ATAD3A: variants seen among roughly 807,000 people sequenced by gnomAD.
The protein encoded by ATAD3A is ATPase family AAA domain-containing protein 3A.
ATAD3A carries 46 observed loss-of-function variants against 73.8 expected under a neutral mutation model. The observed-to-expected ratio is 0.62, with a 90% confidence interval of 0.49 to 0.80. The LOEUF is 0.80. ATAD3A is among the 30% of genes least tolerant of loss of function. The probability of loss-of-function intolerance (pLI) is 0.00; values close to 1 mark genes in which losing one functional copy is unlikely to be tolerated. For synonymous variants in ATAD3A, 319 were observed against 350.0 expected (o/e 0.91, Z 0.99); for missense variants, 705 against 838.0 (o/e 0.84, Z 1.96).
chr1:1,517,697 C>T lies in ATAD3A; in HGVS notation c.385-19C>T. 1.5e-6 allele frequency: 2 copies of T among 1,314,644 alleles called. No homozygotes were observed. The highest frequency in any genetic ancestry group is 2.2e-6 in the Non-Finnish European group (2 of 921,370). The allele number at this position is 1,314,644 out of a possible 1,614,324, so 81.4% of individuals were successfully genotyped here. A position where few individuals can be genotyped will look rare whatever the true frequency, so the allele number is the denominator to read the frequency against. On this transcript the variant is annotated intron_variant, in intron 3 of 15. Coordinates refer to ENST00000378756, the MANE Select transcript of ATAD3A (RefSeq NM_001170535.3). ...AGCTCCCGGCTGAGATGTGTCTTTG[C>T]CGCCCTCTTCTCCCCCAGAGGGCCC...
At chr1:1,512,652 C>T in intron 1 of ATAD3A, 179 bp downstream of exon 1, 2 of 1,382,180 alleles carry the variant, frequency 1.4e-6, no homozygotes, top group Non-Finnish European at 1.9e-6. Flanking sequence ...CTCTTTCCGT[C>T]ACCCGTTTGC....
In ATAD3A at chr1:1,529,221, A is replaced by C; in HGVS notation, c.1506-2A>C. 6.2e-7 allele frequency: 1 copy of C among 1,607,622 alleles called. No individual in the cohort carries two copies. The highest frequency in any genetic ancestry group is 8.5e-7 in the Non-Finnish European group (1 of 1,178,066). The stretch of plus-strand genomic sequence containing the variant: ...CGGCCCACTTGGGAACTCCTTCCCC[A>C]GGCGCCTGAAGCTGGCCCAGTTTGA... On this transcript the variant is annotated splice_acceptor_variant, in intron 14 of 15. Coordinates refer to ENST00000378756, the MANE Select transcript of ATAD3A (RefSeq NM_001170535.3). LOFTEE classifies it high-confidence loss of function.
Position 1,523,835 on chromosome 1 carries a change from GC to G in ATAD3A, c.964-3del. Reference sequence around the variant, plus strand: ...CTCCTCCAAACCCCCGTCTTCCCCGGCAGCCCAGCCTGGAAGCACGGGTGCG... The same window carrying G: ...CTCCTCCAAACCCCCGTCTTCCCCGGAGCCCAGCCTGGAAGCACGGGTGCG... On this transcript the variant is annotated splice_region_variant and splice_polypyrimidine_tract_variant and intron_variant, in intron 9 of 15. Transcript: ENST00000378756. This position sits in a 1 kb window ranked among gnomAD's most constrained non-coding sequence, Gnocchi z 5.1. 6.2e-7 allele frequency: 1 copy of G among 1,613,900 alleles called. No homozygotes were observed.
Position 1,517,736 on chromosome 1 carries a change from G to C in ATAD3A, c.405G>C (p.Lys135Asn), listed in dbSNP as rs1386408562. 5 of 1,483,960 alleles carry C rather than the reference G, an allele frequency of 3.4e-6. No individual in the cohort carries two copies. The highest frequency in any genetic ancestry group is 4.7e-6 in the Non-Finnish European group (5 of 1,069,182). The allele number at this position is 1,483,960 out of a possible 1,614,324, so 91.9% of individuals were successfully genotyped here. Residue 135 changes from lysine to asparagine, a missense_variant, in exon 4 of 16, where the codon AAG becomes AAC. Coordinates refer to ENST00000378756, the MANE Select transcript of ATAD3A (RefSeq NM_001170535.3). The part of the protein sequence containing the change: ...QHQARAQYQD[K>N]LARQRYEDQL... ...CCCAGAGGGCCCAGTATCAAGACAA[G>C]CTGGCCCGGCAGCGCTACGAGGACC... is the stretch of plus-strand genomic sequence containing the variant.
intron 1 of ATAD3A, 68 bp from the exon 2 acceptor site, chr1:1,515,944 G>T: frequency 6.3e-7 from 1 of 1,582,696 alleles, no homozygotes; most frequent in Non-Finnish European, 8.6e-7. Context: ...CCCCTTGGCT[G>T]GTGTGCGTGC....
intron 1 of ATAD3A, chr1:1,512,677 C>G (rs1416155045): frequency 1.3e-5 from 17 of 1,311,794 alleles, no homozygotes; most frequent in Non-Finnish European, 1.7e-5. Flanking sequence ...CTGCAGCTGT[C>G]AGGAGCGGGT....
intron 1 of ATAD3A, among the ~76,000 whole-genome samples, chr1:1,512,875 G>A (rs1171413100): frequency 3.3e-5 from 5 of 152,230 alleles, no homozygotes; most frequent in African/African-American, 9.6e-5. Context: ...CAGTTTCCAC[G>A]TAACAAGGGA....
At chr1:1,525,529 C>T (rs1641780765) in intron 12 of ATAD3A, among the ~76,000 whole-genome samples, 1 of 151,930 alleles carries the variant, frequency 6.6e-6, no homozygotes, top group East Asian at 1.9e-4. Flanking sequence ...ATTCTCCCGC[C>T]TCAGCCTCCC....
chr1:1,514,463 GTC>G (rs1197506006), intron 1 of ATAD3A, among the ~76,000 whole-genome samples: 1 of 152,220 alleles, frequency 6.6e-6, no homozygotes, highest in African/African-American at 2.4e-5. Flanking sequence ...ACCTGGCACT[GTC>G]TTCCCTGAGA....
intron 4 of ATAD3A, among the ~76,000 whole-genome samples, chr1:1,518,036 CACAG>C (rs1182980209): frequency 1.3e-4 from 19 of 151,896 alleles, no homozygotes; most frequent in South Asian, 6.2e-4. Context: ...TCCCAGCACA[CACAG>C]ACAGGTGCAC....
In ATAD3A at chr1:1,516,093, G is replaced by A. The variant is rs368391530; in HGVS notation, c.282+5G>A. On this transcript the variant is annotated splice_donor_5th_base_variant and intron_variant, in intron 2 of 15. Transcript: ENST00000378756. ...GAGCAACAGTCCAAGCTCAAAGTGA[G>A]TGGGGCCGGTGTGGGTGGGGAGGCC... 76 of 1,613,144 alleles carry A rather than the reference G, an allele frequency of 4.7e-5. No homozygotes were observed. The highest frequency in any genetic ancestry group is 5.9e-5 in the Non-Finnish European group (70 of 1,179,888).
chr1:1,534,070 T>C lies in ATAD3A; in HGVS notation c.1759T>C (p.Ter587ArgextTer62), dbSNP rs775366683. 6 of 1,613,354 alleles carry C rather than the reference T, an allele frequency of 3.7e-6. No homozygotes were observed. The South Asian group carries it at 6.6e-5, about 18-fold the overall frequency. Residue 587 changes from the stop codon to arginine, a stop_lost, in exon 16 of 16, where the codon TGA becomes CGA. Transcript: ENST00000378756. ...PGRGDEPSPS[*>R] ...GCGTGGGGACGAGCCCTCCCCATCC[T>C]GAGTCCACAGGGAGATCCACAGCTC...
At chr1:1,518,796 C>T (rs1366019819) in intron 4 of ATAD3A, 125 bp from the exon 5 acceptor site, 1 of 1,570,020 alleles carries the variant, frequency 6.4e-7, no homozygotes, top group Non-Finnish European at 8.7e-7. Flanking sequence ...CGCAAACGGG[C>T]ACCGTCACAC....
At chr1:1,532,558 TCCCA>T (rs1488192722) in intron 15 of ATAD3A, among the ~76,000 whole-genome samples, 1 of 152,178 alleles carries the variant, frequency 6.6e-6, no homozygotes, top group African/African-American at 2.4e-5. Context: ...TGCCCCAGAA[TCCCA>T]CCCAGGACGC....
rs1438764076 is a variant in ATAD3A, at chr1:1,520,973, C to G, written c.750+356C>G. 6.6e-6 allele frequency among the ~76,000 whole-genome samples: 1 copy of G among 152,086 alleles called. No homozygotes were observed. Among genetic ancestry groups the G allele is most frequent in the Non-Finnish European group, 1.5e-5 (1 of 68,016 alleles). On this transcript the variant is annotated intron_variant, in intron 7 of 15. Coordinates refer to ENST00000378756, the MANE Select transcript of ATAD3A (RefSeq NM_001170535.3). The surrounding 1 kb of genome is among the most constrained non-coding windows in gnomAD (Gnocchi z 4.0). Reference sequence around the variant, plus strand: ...TGAGCTGAGATCGCAGCACTGCACTCCATCCTGGGCGACAAAGTCCTTGTC... The same window carrying G: ...TGAGCTGAGATCGCAGCACTGCACTGCATCCTGGGCGACAAAGTCCTTGTC...
At position 1,522,830 on chromosome 1, in the gene ATAD3A, G is replaced by A; in HGVS notation, c.837G>A (p.Leu279=). 6.2e-7 allele frequency: 1 copy of A among 1,610,736 alleles called. No homozygotes were observed. The highest frequency in any genetic ancestry group is 8.5e-7 in the Non-Finnish European group (1 of 1,179,726). Residue 279 remains leucine, a synonymous_variant, in exon 8 of 16, where the codon CTG becomes CTA. Coordinates refer to ENST00000378756, the MANE Select transcript of ATAD3A (RefSeq NM_001170535.3). Reference sequence around the variant, plus strand: ...CCGGCCGCTTCATCGAGGCTCGGCTGGGGAAGCCGTCCCTAGTGAGGGAGA... The same window carrying A: ...CCGGCCGCTTCATCGAGGCTCGGCTAGGGAAGCCGTCCCTAGTGAGGGAGA... ...LVAGRFIEAR[L]GKPSLVRETS...
chr1:1,529,811 G>A (rs1423828203), intron 15 of ATAD3A, among the ~76,000 whole-genome samples: 2 of 152,198 alleles, frequency 1.3e-5, no homozygotes, highest in African/African-American at 2.4e-5. Flanking sequence ...GTTGTTCTTC[G>A]GGGACACCCC....
chr1:1,534,342 A>T lies in ATAD3A; in HGVS notation c.*270A>T. 5.0e-6 allele frequency: 7 copies of T among 1,400,142 alleles called. No individual in the cohort carries two copies. Among genetic ancestry groups the T allele is most frequent in the Non-Finnish European group, 6.5e-6 (7 of 1,079,654 alleles). The allele number at this position is 1,400,142 out of a possible 1,614,324, so 86.7% of individuals were successfully genotyped here. ...CATTTTCCGTCTGGCTCACAGGGGG[A>T]GGGTGAGGCTTTGCACCCCAGCCCC... On this transcript the variant is annotated 3_prime_UTR_variant, in exon 16 of 16. Transcript: ENST00000378756.
chr1:1,534,009 G>A lies in ATAD3A; in HGVS notation c.1698G>A (p.Gln566=), dbSNP rs551768685. The A allele has an allele frequency of 3.9e-4, 623 of 1,613,636 alleles. No homozygotes were observed. The highest frequency in any genetic ancestry group is 4.8e-4 in the Non-Finnish European group (561 of 1,179,912). The change falls in exon 16 of 16, where the codon CAG becomes CAA. Residue 566 remains glutamine (Q), a synonymous_variant. Coordinates refer to ENST00000378756, the MANE Select transcript of ATAD3A (RefSeq NM_001170535.3). Reference sequence around the variant, plus strand: ...TGCAAGATGCTGTCCAGCAGCACCAGCAGAAGATGTGCTGGCTGAAGGCGG... The same window carrying A: ...TGCAAGATGCTGTCCAGCAGCACCAACAGAAGATGTGCTGGCTGAAGGCGG... ...TRVQDAVQQH[Q]QKMCWLKAEG...
Sources: allele counts gnomAD v4.1 joint callset (sites outside exome capture counted in the v4.1 genomes callset), GRCh38; gene constraint gnomAD v4.1.1; non-coding constraint Gnocchi (gnomAD v3.1); transcripts MANE v1.5; gene names NCBI Gene and HGNC (gene_info 2026-07-23, HGNC 2026-07-21).